Variants in ABTB3 observed in about 807,000 individuals in gnomAD.
ABTB3 encodes ankyrin repeat and BTB domain containing 3, also known as ankyrin repeat- and BTB/POZ domain-containing protein 3.
the ABTB3 span, among the ~76,000 whole-genome samples, chr12:107,363,836 G>A: frequency 6.6e-6 from 1 of 152,202 alleles, no homozygotes; most frequent in African/African-American, 2.4e-5. Context: ...AAAAGTGTGA[G>A]TGAGGAAATA....
At chr12:107,362,798 A>AG in the ABTB3 span, among the ~76,000 whole-genome samples, 1 of 152,180 alleles carries the variant, frequency 6.6e-6, no homozygotes, top group Non-Finnish European at 1.5e-5. Flanking sequence ...TCTAAAAAAA[A>AG]AAAAAGATAG....
chr12:107,413,045 T>G, the ABTB3 span, among the ~76,000 whole-genome samples: 1 of 151,884 alleles, frequency 6.6e-6, no homozygotes, highest in African/African-American at 2.4e-5. Context: ...GAGGCCGAAG[T>G]GGGCGGATCA....
chr12:107,656,736 C>A, the ABTB3 span, among the ~76,000 whole-genome samples: 1 of 152,232 alleles, frequency 6.6e-6, no homozygotes, highest in Non-Finnish European at 1.5e-5. Context: ...ATATACAAAG[C>A]AAGTGCCAGG....
At chr12:107,465,019 G>A in the ABTB3 span, among the ~76,000 whole-genome samples, 1 of 152,024 alleles carries the variant, frequency 6.6e-6, no homozygotes. Context: ...ACCATGCTTA[G>A]GTTGAGAAAC....
chr12:107,555,886 G>C, the ABTB3 span, among the ~76,000 whole-genome samples: 18 of 152,172 alleles, frequency 1.2e-4, no homozygotes, highest in African/African-American at 3.4e-4. Context: ...CAACAGAGAA[G>C]GATTCATTGT....
chr12:107,627,822 A>G, the ABTB3 span, among the ~76,000 whole-genome samples: 1 of 152,264 alleles, frequency 6.6e-6, no homozygotes, highest in East Asian at 1.9e-4. Flanking sequence ...TAAAGAAAGC[A>G]TGAAATAGGT....
At chr12:107,324,440 G>A in the ABTB3 span, among the ~76,000 whole-genome samples, 1 of 151,876 alleles carries the variant, frequency 6.6e-6, no homozygotes, top group Non-Finnish European at 1.5e-5. Context: ...ACCAGCTGAA[G>A]CAACATAGTA....
chr12:107,334,040 A>G, the ABTB3 span, among the ~76,000 whole-genome samples: 2 of 152,224 alleles, frequency 1.3e-5, no homozygotes, highest in African/African-American at 4.8e-5. Context: ...AAGAGCTAAG[A>G]ACCCATTGTG....
chr12:107,397,833 A>G, the ABTB3 span, among the ~76,000 whole-genome samples: 1 of 152,112 alleles, frequency 6.6e-6, no homozygotes, highest in Non-Finnish European at 1.5e-5. Flanking sequence ...AAGGAAAGTC[A>G]TTGGTCCCAA....
the ABTB3 span, among the ~76,000 whole-genome samples, chr12:107,351,790 G>A: frequency 6.6e-6 from 1 of 152,096 alleles, no homozygotes; most frequent in Non-Finnish European, 1.5e-5. Context: ...CAGATATTCT[G>A]TTATAGCAAC....
At chr12:107,571,565 T>C in the ABTB3 span, among the ~76,000 whole-genome samples, 1 of 152,260 alleles carries the variant, frequency 6.6e-6, no homozygotes, top group Non-Finnish European at 1.5e-5. Context: ...TCCCAGGATA[T>C]GAAGCTGTAC....
the ABTB3 span, among the ~76,000 whole-genome samples, chr12:107,512,357 A>G: frequency 6.6e-6 from 1 of 152,248 alleles, no homozygotes; most frequent in Admixed American, 6.5e-5. Flanking sequence ...TGAGCTTCCT[A>G]GTAGGAGCTG....
At chr12:107,541,893 T>G in the ABTB3 span, among the ~76,000 whole-genome samples, 1 of 150,800 alleles carries the variant, frequency 6.6e-6, no homozygotes, top group Non-Finnish European at 1.5e-5. Context: ...AACCTGTATG[T>G]GTACCCCCGA....
chr12:107,521,047 G>T, the ABTB3 span, among the ~76,000 whole-genome samples: 1 of 152,196 alleles, frequency 6.6e-6, no homozygotes, highest in African/African-American at 2.4e-5. Flanking sequence ...AGGCCTTGCC[G>T]TGAGAATGTG....
At chr12:107,648,134 A>T in the ABTB3 span, among the ~76,000 whole-genome samples, 46 of 152,232 alleles carry the variant, frequency 3.0e-4, 2 homozygotes, top group African/African-American at 1.1e-3. Context: ...TAATCCTGGC[A>T]CTTTGGGAGG....
the ABTB3 span, among the ~76,000 whole-genome samples, chr12:107,330,619 A>G: frequency 3.3e-5 from 5 of 152,280 alleles, no homozygotes; most frequent in African/African-American, 1.2e-4. Context: ...CCAAGATCAC[A>G]CAGCAGAGCT....
chr12:107,342,430 G>C, the ABTB3 span, among the ~76,000 whole-genome samples: 2 of 152,046 alleles, frequency 1.3e-5, no homozygotes, highest in Admixed American at 1.3e-4. Flanking sequence ...TGTTGTCACT[G>C]TTATCCCATC....
chr12:107,394,809 A>T, the ABTB3 span, among the ~76,000 whole-genome samples: 1 of 152,242 alleles, frequency 6.6e-6, no homozygotes, highest in East Asian at 1.9e-4. Context: ...CATTATGATC[A>T]TCACCACCAA....
At chr12:107,391,744 G>A in the ABTB3 span, among the ~76,000 whole-genome samples, 1 of 152,212 alleles carries the variant, frequency 6.6e-6, no homozygotes, top group Non-Finnish European at 1.5e-5. Context: ...GTGCATGTTG[G>A]TAGTGGCTCC....
Sources: gnomAD v4.1 joint callset for allele counts (sites outside exome capture counted in the v4.1 genomes callset) on GRCh38, gnomAD v4.1.1 for gene constraint, MANE v1.5 for transcripts, NCBI Gene and HGNC (gene_info 2026-07-23, HGNC 2026-07-21) for gene names.